The following STARD10 variants were observed in gnomAD, a reference collection of about 807,000 sequenced individuals.
STARD10 encodes StAR related lipid transfer domain containing 10, also known as START domain-containing protein 10.
In STARD10, 24 loss-of-function variants were observed where a neutral mutation model predicts 36.0. The observed-to-expected ratio is 0.67, with a 90% CI of 0.48 to 0.94. The LOEUF (loss-of-function observed/expected upper bound fraction) is 0.94, where lower values mean the gene tolerates loss of function less well. Ranked by LOEUF, STARD10 falls within the 40% of genes least tolerant of loss-of-function variation. The probability of loss-of-function intolerance (pLI) is 0.00; values close to 1 mark genes in which losing one functional copy is unlikely to be tolerated. For synonymous variants in STARD10, 156 were observed against 161.9 expected, an observed-to-expected ratio of 0.96 and a Z score of 0.28; for missense variants, 335 against 396.6, an observed-to-expected ratio of 0.84 and a Z score of 1.32.
Position 72,781,139 on chromosome 11 carries a change from G to C in STARD10, c.43C>G (p.Pro15Ala), listed in dbSNP as rs556176957. 5 of 1,613,170 alleles carry C rather than the reference G, an allele frequency of 3.1e-6. No homozygotes were observed. Among genetic ancestry groups the C allele is most frequent in the East Asian group, 4.5e-5 (2 of 44,874 alleles). The change falls in exon 2 of 7, where the codon CCG becomes GCG. Residue 15 changes from proline (P) to alanine (A), a missense_variant. Physicochemically the swap from Pro to Ala is conservative, Grantham distance 27 (BLOSUM62 -1). Transcript: ENST00000334805. The surrounding 1 kb of genome is among the most constrained non-coding windows in gnomAD (Gnocchi z 4.7). ...TGGACACTCTCACGGCCCAGGACCGGCCGAGGCCCTTGGGGCTCTGTAGAG... is the reference window on the plus strand; with the variant it reads ...TGGACACTCTCACGGCCCAGGACCGCCCGAGGCCCTTGGGGCTCTGTAGAG... ...AASTEPQGPR[P>A]VLGRESVQVP...
intron 1 of STARD10, among the ~76,000 whole-genome samples, chr11:72,788,157 T>A (rs908482048): frequency 1.3e-5 from 2 of 152,174 alleles, no homozygotes; most frequent in African/African-American, 4.8e-5. Flanking sequence ...CCAGCTTCCA[T>A]ACCCAGGGAC....
intron 2 of STARD10, among the ~76,000 whole-genome samples, chr11:72,763,699 G>A (rs1858750337): frequency 6.6e-6 from 1 of 152,182 alleles, no homozygotes; most frequent in African/African-American, 2.4e-5. Context: ...ATGAATGAAG[G>A]AACAAAGTGA....
intron 5 of STARD10, among the ~76,000 whole-genome samples, chr11:72,757,041 AG>A (rs1858653869): frequency 6.7e-6 from 1 of 149,576 alleles, no homozygotes; most frequent in Non-Finnish European, 1.5e-5. Context: ...GTTACTCGGG[AG>A]GCTGGGGCAG....
At chr11:72,776,431 C>T (rs1378139157) in intron 2 of STARD10, among the ~76,000 whole-genome samples, 1 of 152,222 alleles carries the variant, frequency 6.6e-6, no homozygotes, top group African/African-American at 2.4e-5. Context: ...AAATGACCCC[C>T]AAAGTCACAT....
chr11:72,768,663 C>G (rs2135617001), intron 2 of STARD10, among the ~76,000 whole-genome samples: 1 of 152,248 alleles, frequency 6.6e-6, no homozygotes, highest in East Asian at 1.9e-4. Context: ...CTGGCTGCCC[C>G]CTGTCCAGGC....
intron 2 of STARD10, among the ~76,000 whole-genome samples, chr11:72,767,986 C>T (rs1026413643): frequency 6.6e-6 from 1 of 152,166 alleles, no homozygotes; most frequent in Non-Finnish European, 1.5e-5. Flanking sequence ...TGGGGGAACA[C>T]CTCCCACTAA....
In STARD10 at chr11:72,782,684, T is replaced by C. The variant is rs535806466; in HGVS notation, c.-113-1390A>G. Among the ~76,000 whole-genome samples the C allele has an allele frequency of 3.9e-5, 6 of 152,294 alleles. No homozygotes were observed. The South Asian group carries it at 6.2e-4, about 16-fold the overall frequency. On this transcript the variant is annotated intron_variant, in intron 1 of 6. Transcript: ENST00000334805. ...CCAGGCAGAGTTGGCCAGAGCTCCA[T>C]AGCTACCTGCACCAGCGCTCCTGCC...
At chr11:72,762,430 A>T (rs1410967379) in intron 2 of STARD10, among the ~76,000 whole-genome samples, 1 of 152,122 alleles carries the variant, frequency 6.6e-6, no homozygotes, top group Non-Finnish European at 1.5e-5. Flanking sequence ...AACAAGGTTC[A>T]AGGACAGACT....
chr11:72,774,305 T>A (rs1016373301), intron 2 of STARD10, among the ~76,000 whole-genome samples: 4 of 151,996 alleles, frequency 2.6e-5, no homozygotes, highest in African/African-American at 9.7e-5. Flanking sequence ...GCATCAGAGG[T>A]GGCAAGTACC....
At chr11:72,785,569 A>C (rs1859061361) in intron 1 of STARD10, among the ~76,000 whole-genome samples, 1 of 106,306 alleles carries the variant, frequency 9.4e-6, no homozygotes, top group Non-Finnish European at 2.1e-5. Flanking sequence ...TCAAAAAAAA[A>C]AAAAAAAAAA....
chr11:72,769,168 G>A (rs902568910), intron 2 of STARD10, among the ~76,000 whole-genome samples: 3 of 152,264 alleles, frequency 2.0e-5, no homozygotes, highest in Non-Finnish European at 4.4e-5. Flanking sequence ...CTTGCTTTAA[G>A]ATCTTTAATA....
chr11:72,781,495 C>T lies in STARD10; in HGVS notation c.-113-201G>A, dbSNP rs1159721471. Among the ~76,000 whole-genome samples, 1 of 151,124 alleles carries T rather than the reference C, an allele frequency of 6.6e-6. No individual in the cohort carries two copies. The highest frequency in any genetic ancestry group is 1.5e-5 in the Non-Finnish European group (1 of 67,654). Reference sequence around the variant, plus strand: ...CGGCGTGGGGACTGCGTATGGGACGCGGTGGCCGGCGGGCGCCCGTCGGGA... The same window carrying T: ...CGGCGTGGGGACTGCGTATGGGACGTGGTGGCCGGCGGGCGCCCGTCGGGA... On this transcript the variant is annotated intron_variant, in intron 1 of 6. Coordinates refer to ENST00000334805, the MANE Select transcript of STARD10 (RefSeq NM_006645.3). The surrounding 1 kb of genome is among the most constrained non-coding windows in gnomAD (Gnocchi z 4.7).
At position 72,757,755 on chromosome 11, in the gene STARD10, C is replaced by T. The variant is rs1202202065; in HGVS notation, c.577+12G>A. On this transcript the variant is annotated intron_variant, in intron 5 of 6. Coordinates refer to ENST00000334805, the MANE Select transcript of STARD10 (RefSeq NM_006645.3). ...AGGATCCCATGATAGGCTGCCAGGG[C>T]CAAGCCCTCACCTTTGGGGTCCACC... 6.2e-7 allele frequency: 1 copy of T among 1,613,060 alleles called. No individual in the cohort carries two copies. Among genetic ancestry groups the T allele is most frequent in the East Asian group, 2.2e-5 (1 of 44,868 alleles).
At chr11:72,757,971 A>G (rs1858666529) in intron 4 of STARD10, 87 bp from the exon 5 acceptor site, 3 of 1,091,118 alleles carry the variant, frequency 2.7e-6, no homozygotes, top group South Asian at 2.5e-5. Flanking sequence ...GCACGCGCAC[A>G]CACACATACA....
intron 2 of STARD10, among the ~76,000 whole-genome samples, chr11:72,760,003 C>T (rs889540227): frequency 3.3e-5 from 5 of 151,810 alleles, no homozygotes; most frequent in South Asian, 2.1e-4. Flanking sequence ...CTCTGCCTCC[C>T]GGGTTCAAGT....
At chr11:72,760,521 C>T (rs749932093) in intron 2 of STARD10, among the ~76,000 whole-genome samples, 1 of 152,222 alleles carries the variant, frequency 6.6e-6, no homozygotes, top group Non-Finnish European at 1.5e-5. Context: ...CCGCCGCGCC[C>T]AGCCTGGATT....
At chr11:72,771,849 G>A (rs965914021) in intron 2 of STARD10, among the ~76,000 whole-genome samples, 3 of 152,182 alleles carry the variant, frequency 2.0e-5, no homozygotes, top group African/African-American at 7.2e-5. Flanking sequence ...GAGAAAGGGA[G>A]GCAGAGAGTG....
At chr11:72,762,961 G>A (rs1858740277) in intron 2 of STARD10, among the ~76,000 whole-genome samples, 1 of 152,322 alleles carries the variant, frequency 6.6e-6, no homozygotes, top group South Asian at 2.1e-4. Context: ...TATAAGATGA[G>A]CATGGAACAT....
At position 72,781,316 on chromosome 11, in the gene STARD10, G is replaced by C. The variant is rs1260685972; in HGVS notation, c.-113-22C>G. On this transcript the variant is annotated intron_variant, in intron 1 of 6. Transcript: ENST00000334805. The surrounding 1 kb of genome is among the most constrained non-coding windows in gnomAD (Gnocchi z 4.7). ...GGACCTGCAAGACCGGTTTGGGGAC[G>C]GGAATCAGTGCGCTGGGGGCGCGGG... 2 of 724,824 alleles carry C rather than the reference G, an allele frequency of 2.8e-6. No individual in the cohort carries two copies. Among genetic ancestry groups the C allele is most frequent in the Non-Finnish European group, 4.5e-6 (2 of 441,608 alleles). 44.9% of individuals were successfully genotyped at this position (724,824 alleles called of 1,614,324 possible).
Sources: allele counts gnomAD v4.1 joint callset (sites outside exome capture counted in the v4.1 genomes callset), GRCh38; gene constraint gnomAD v4.1.1; non-coding constraint Gnocchi (gnomAD v3.1); transcripts MANE v1.5; gene names NCBI Gene and HGNC (gene_info 2026-07-23, HGNC 2026-07-21).